The following SLC4A10 variants were observed in gnomAD, a reference collection of about 807,000 sequenced individuals.
SLC4A10 encodes solute carrier family 4 member 10.
In SLC4A10, 42 loss-of-function variants were observed where a neutral mutation model predicts 137.7. That is an observed-to-expected ratio of 0.30 (90% CI 0.24 to 0.39). SLC4A10 has a LOEUF of 0.39. Ranked by LOEUF, SLC4A10 falls within the 10% of genes least tolerant of loss-of-function variation. SLC4A10 has a pLI of 1.00. For missense variants in SLC4A10, 925 were observed against 1,355.0 expected (o/e 0.68, Z 4.98); for synonymous variants, 474 against 464.1 (o/e 1.02, Z -0.27).
At chr2:161,836,484 T>G (rs1332611647) in intron 3 of SLC4A10, among the ~76,000 whole-genome samples, 1 of 37,528 alleles carries the variant, frequency 2.7e-5, no homozygotes, top group Non-Finnish European at 5.1e-5. Flanking sequence ...GGTGACAGAG[T>G]GAAAGAAAGA....
chr2:161,891,525 C>T (rs2062920783), intron 10 of SLC4A10, among the ~76,000 whole-genome samples: 2 of 151,956 alleles, frequency 1.3e-5, no homozygotes, highest in Non-Finnish European at 2.9e-5. Flanking sequence ...ATCTTGTCTT[C>T]TTGCTTTATT....
At chr2:161,768,063 T>C (rs780189138) in intron 1 of SLC4A10, among the ~76,000 whole-genome samples, 1 of 152,076 alleles carries the variant, frequency 6.6e-6, no homozygotes, top group Non-Finnish European at 1.5e-5. Context: ...GTCTCTTCTA[T>C]ATTGACACCT....
intron 3 of SLC4A10, among the ~76,000 whole-genome samples, chr2:161,829,675 T>C (rs2125730710): frequency 6.6e-6 from 1 of 152,320 alleles, no homozygotes; most frequent in East Asian, 1.9e-4. Flanking sequence ...TATTTGAGGA[T>C]ATTTTACTTT....
At chr2:161,852,075 G>T (rs1427022883) in intron 4 of SLC4A10, among the ~76,000 whole-genome samples, 2 of 152,068 alleles carry the variant, frequency 1.3e-5, no homozygotes, top group Non-Finnish European at 2.9e-5. Flanking sequence ...ATTTCTTGCA[G>T]AGACGTCATC....
At chr2:161,624,595 T>C (rs983989121) in intron 1 of SLC4A10, 29 bp downstream of exon 1, 1 of 1,551,402 alleles carries the variant, frequency 6.4e-7, no homozygotes, top group Non-Finnish European at 8.7e-7. Context: ...TCACATAGAT[T>C]AACCGCGTTT....
intron 15 of SLC4A10, among the ~76,000 whole-genome samples, chr2:161,929,884 T>C (rs993730395): frequency 7.9e-5 from 12 of 152,220 alleles, no homozygotes; most frequent in African/African-American, 2.7e-4. Flanking sequence ...TTCTGGTTTT[T>C]AATTTTTTTA....
intron 3 of SLC4A10, among the ~76,000 whole-genome samples, chr2:161,822,180 T>C (rs557325181): frequency 6.6e-6 from 1 of 152,318 alleles, no homozygotes; most frequent in East Asian, 1.9e-4. Flanking sequence ...AGCCTTAAAA[T>C]TAACACTCAT....
At chr2:161,889,808 G>T (rs928397659) in intron 10 of SLC4A10, among the ~76,000 whole-genome samples, 6 of 152,014 alleles carry the variant, frequency 3.9e-5, no homozygotes, top group Admixed American at 3.9e-4. Context: ...TCTGACCTTA[G>T]TTATTTCTTC....
chr2:161,932,424 T>C (rs762790598), intron 15 of SLC4A10, among the ~76,000 whole-genome samples: 1 of 152,224 alleles, frequency 6.6e-6, no homozygotes, highest in East Asian at 1.9e-4. Context: ...AAGATCAATA[T>C]GGATACATTA....
At chr2:161,829,841 T>C (rs1464955888) in intron 3 of SLC4A10, among the ~76,000 whole-genome samples, 1 of 152,066 alleles carries the variant, frequency 6.6e-6, no homozygotes, top group Non-Finnish European at 1.5e-5. Flanking sequence ...AAGGCACATC[T>C]TACATGGCAG....
At chr2:161,720,253 T>A (rs1017291193) in intron 1 of SLC4A10, among the ~76,000 whole-genome samples, 1 of 152,188 alleles carries the variant, frequency 6.6e-6, no homozygotes, top group Non-Finnish European at 1.5e-5. Context: ...CATTGATCTA[T>A]ATCTCTGTTT....
intron 3 of SLC4A10, among the ~76,000 whole-genome samples, chr2:161,821,542 T>C (rs1213258097): frequency 3.9e-5 from 6 of 152,188 alleles, no homozygotes; most frequent in African/African-American, 1.2e-4. Flanking sequence ...GGTGAGAGAA[T>C]TGCTTGAGCC....
chr2:161,662,116 T>C (rs2038500076), intron 1 of SLC4A10, among the ~76,000 whole-genome samples: 1 of 152,178 alleles, frequency 6.6e-6, no homozygotes, highest in South Asian at 2.1e-4. Flanking sequence ...ATATTCTTTA[T>C]ATCATAAACA....
At chr2:161,661,196 C>T (rs2038340843) in intron 1 of SLC4A10, among the ~76,000 whole-genome samples, 1 of 152,064 alleles carries the variant, frequency 6.6e-6, no homozygotes, top group Admixed American at 6.6e-5. Context: ...TAATGTTGGC[C>T]AGTCGCAGTA....
intron 1 of SLC4A10, among the ~76,000 whole-genome samples, chr2:161,683,871 G>A (rs1362073169): frequency 6.6e-6 from 1 of 151,768 alleles, no homozygotes. Flanking sequence ...TTTTTTTGTT[G>A]TGGTAAAATG....
intron 16 of SLC4A10, among the ~76,000 whole-genome samples, chr2:161,945,519 G>A (rs1288077352): frequency 2.6e-5 from 4 of 151,302 alleles, no homozygotes; most frequent in African/African-American, 9.7e-5. Context: ...GAAACCATAT[G>A]TTAGACTCAA....
In SLC4A10 at chr2:161,977,787, C is replaced by T. The variant is rs1306780804; in HGVS notation, c.*26+27C>T. 4.5e-6 allele frequency: 7 copies of T among 1,560,456 alleles called. No homozygotes were observed. The African/African-American group carries it at 8.3e-5, about 19-fold the overall frequency. On this transcript the variant is annotated intron_variant, in intron 26 of 26. Transcript: ENST00000446997. ...TAAGACCCTCTCCCTCAAATCTATT[C>T]CTTGGTTGCATTTCCTTATGTTAAA...
At chr2:161,861,718 A>G (rs2060443289) in intron 5 of SLC4A10, among the ~76,000 whole-genome samples, 1 of 152,204 alleles carries the variant, frequency 6.6e-6, no homozygotes, top group African/African-American at 2.4e-5. Context: ...CAATCAGTGC[A>G]TCAGGTGCCT....
intron 1 of SLC4A10, among the ~76,000 whole-genome samples, chr2:161,635,379 A>T (rs1209187175): frequency 6.6e-6 from 1 of 152,092 alleles, no homozygotes; most frequent in East Asian, 1.9e-4. Flanking sequence ...TGCTCAAAAC[A>T]CTCTTATACT....
Sources: allele counts gnomAD v4.1 joint callset (sites outside exome capture counted in the v4.1 genomes callset), GRCh38; gene constraint gnomAD v4.1.1; transcripts MANE v1.5; gene names NCBI Gene and HGNC (gene_info 2026-07-23, HGNC 2026-07-21).